PDHX: variants seen among roughly 807,000 people sequenced by gnomAD.
The protein encoded by PDHX is pyruvate dehydrogenase complex component X.
In PDHX, 33 loss-of-function variants were observed where a neutral mutation model predicts 55.3. The ratio of observed to expected loss-of-function variants is 0.60; its 90% CI spans 0.45 to 0.80. The LOEUF is 0.80. Among genes scored for constraint, PDHX ranks in the 30% least tolerant of loss-of-function variants. The probability of loss-of-function intolerance (pLI) is 0.00; values close to 1 mark genes in which losing one functional copy is unlikely to be tolerated. For synonymous variants in PDHX, 226 were observed against 219.4 expected (o/e 1.03, Z -0.27); for missense variants, 622 against 619.9 (o/e 1.00, Z -0.04).
In PDHX at chr11:34,957,643, G is replaced by A. The variant is rs1854936023; in HGVS notation, c.542+60G>A. The A allele has an allele frequency of 2.3e-6, 3 of 1,319,426 alleles. No homozygotes were observed. In the Admixed American group the frequency reaches 5.2e-5, roughly 23 times the overall value. The allele number at this position is 1,319,426 out of a possible 1,614,324, so 81.7% of individuals were successfully genotyped here. A position where few individuals can be genotyped will look rare whatever the true frequency, so the allele number is the denominator to read the frequency against. ...AAAAAAAGTTATGGCAGTTCTTATG[G>A]AATTGTAATCATTATCATATTCGCA... On this transcript the variant is annotated intron_variant, in intron 4 of 10. Transcript: ENST00000227868.
intron 4 of PDHX, among the ~76,000 whole-genome samples, chr11:34,959,233 C>T (rs1373075536): frequency 6.6e-6 from 1 of 151,884 alleles, no homozygotes; most frequent in Non-Finnish European, 1.5e-5. Flanking sequence ...CTCAGCAAAA[C>T]AACCCAATTA....
upstream of PDHX, chr11:34,916,297 G>A (rs775840738): frequency 2.5e-6 from 4 of 1,611,212 alleles, no homozygotes; most frequent in South Asian, 2.2e-5. Context: ...CCCAGACCAG[G>A]GACCCGCGCG....
In PDHX at chr11:34,989,282, T is replaced by G. The variant is rs146798755; in HGVS notation, c.1183-3033T>G. On this transcript the variant is annotated intron_variant, in intron 9 of 10. Transcript: ENST00000227868. ...TGTCCTTATGCGGCACATGACTGCA[T>G]GTATAGAGTTCAGTACTATCTGCCA... Among the ~76,000 whole-genome samples, 4 of 152,354 alleles carry G rather than the reference T, an allele frequency of 2.6e-5. No individual in the cohort carries two copies. In the East Asian group the frequency reaches 7.7e-4, roughly 29 times the overall value.
rs111269339 is a variant in PDHX, at chr11:34,931,209, T to C, written c.161-195T>C. ...GTTTAAAATATCCCAAAAAACACTT[T>C]TGTGGTTATAAAAAATTGAATTTTA... is the stretch of plus-strand genomic sequence containing the variant. On this transcript the variant is annotated intron_variant, in intron 1 of 10. Coordinates refer to ENST00000227868, the MANE Select transcript of PDHX (RefSeq NM_003477.3). Among the ~76,000 whole-genome samples the C allele has an allele frequency of 2.5e-3, 386 of 152,338 alleles. 2 individuals are homozygous for C. Among genetic ancestry groups the C allele is most frequent in the African/African-American group, 8.7e-3 (362 of 41,580 alleles).
At chr11:34,946,148 T>C (rs1854614160) in intron 2 of PDHX, among the ~76,000 whole-genome samples, 1 of 152,244 alleles carries the variant, frequency 6.6e-6, no homozygotes, top group African/African-American at 2.4e-5. Flanking sequence ...AGTTCATTAG[T>C]GCTACCTTTC....
At chr11:34,931,309 A>G in intron 1 of PDHX, 95 bp from the exon 2 acceptor site, 1 of 742,158 alleles carries the variant, frequency 1.3e-6, no homozygotes. Flanking sequence ...CTTCTTTTTC[A>G]AATTGAATTT....
chr11:34,928,683 A>G (rs1854084351), intron 1 of PDHX, among the ~76,000 whole-genome samples: 1 of 152,166 alleles, frequency 6.6e-6, no homozygotes, highest in Non-Finnish European at 1.5e-5. Flanking sequence ...GTTAAGCTTT[A>G]TGCACGTTTT....
chr11:34,983,237 A>G (rs1043882736), intron 8 of PDHX, among the ~76,000 whole-genome samples: 3 of 152,204 alleles, frequency 2.0e-5, no homozygotes, highest in Non-Finnish European at 4.4e-5. Flanking sequence ...TTCATGCTAA[A>G]AACTCTCAAT....
intron 2 of PDHX, among the ~76,000 whole-genome samples, chr11:34,947,078 G>A (rs532044331): frequency 2.0e-4 from 31 of 152,068 alleles, no homozygotes; most frequent in Admixed American, 3.9e-4. Context: ...TTTTGAACTT[G>A]CCCTAAGATG....
Position 34,995,268 on chromosome 11 carries a change from G to A in PDHX, c.*96G>A. On this transcript the variant is annotated 3_prime_UTR_variant, in exon 11 of 11. Transcript: ENST00000227868. The stretch of plus-strand genomic sequence containing the variant: ...GGAAAACAACTTGGTATTTAAGTAT[G>A]AAGTGGATGAAATGTTTATTTATTT... 2 of 1,288,670 alleles carry A rather than the reference G, an allele frequency of 1.6e-6. No homozygotes were observed. Among genetic ancestry groups the A allele is most frequent in the Middle Eastern group, 5.0e-4 (2 of 3,962 alleles). The allele number at this position is 1,288,670 out of a possible 1,614,324, so 79.8% of individuals were successfully genotyped here.
chr11:34,923,363 T>C (rs565654624), intron 1 of PDHX, among the ~76,000 whole-genome samples: 151 of 152,290 alleles, frequency 9.9e-4, no homozygotes, highest in African/African-American at 3.4e-3. Flanking sequence ...TGGGAATATA[T>C]TAGCCCTGGT....
At chr11:34,978,261 CTT>C in intron 8 of PDHX, 79 bp downstream of exon 8, 1 of 847,618 alleles carries the variant, frequency 1.2e-6, no homozygotes, top group Admixed American at 2.0e-5. Context: ...AAATAGAACT[CTT>C]ATTTTTAAAT....
chr11:34,931,540 T>G (rs1331124380), intron 2 of PDHX, 56 bp downstream of exon 2: 2 of 890,746 alleles, frequency 2.2e-6, no homozygotes, highest in Non-Finnish European at 3.5e-6. Context: ...TATTTTGTTT[T>G]GTTTTTTTTT....
intron 1 of PDHX, among the ~76,000 whole-genome samples, chr11:34,929,894 C>T (rs955628465): frequency 2.6e-5 from 4 of 152,192 alleles, no homozygotes; most frequent in African/African-American, 9.6e-5. Context: ...AGATAGAGAT[C>T]AAATGCTGAT....
intron 2 of PDHX, among the ~76,000 whole-genome samples, chr11:34,935,354 T>C (rs1201328922): frequency 6.6e-6 from 1 of 152,162 alleles, no homozygotes; most frequent in Non-Finnish European, 1.5e-5. Context: ...AGATTTTAAG[T>C]ACCTAATATG....
rs139613834 is a variant in PDHX, at chr11:34,916,684, A to C, written c.29A>C (p.Asp10Ala). 7 of 1,611,676 alleles carry C rather than the reference A, an allele frequency of 4.3e-6. No homozygotes were observed. In the African/African-American group the frequency reaches 9.3e-5, roughly 22 times the overall value. Residue 10 changes from aspartate to alanine, a missense_variant, in exon 1 of 11, where the codon GAT (aspartate) becomes GCT (alanine). Physicochemically the swap from Asp to Ala is moderately radical, Grantham distance 126 (BLOSUM62 -2). Coordinates refer to ENST00000227868, the MANE Select transcript of PDHX (RefSeq NM_003477.3). MAASWRLGCDPRLLRYLVGF... is the reference protein window; with the variant it reads MAASWRLGCAPRLLRYLVGF... ...GCGGCCTCCTGGAGGCTGGGCTGTG[A>C]TCCGCGGCTGCTGCGTTATCTTGTG...
At chr11:34,926,999 G>A (rs116904719) in intron 1 of PDHX, among the ~76,000 whole-genome samples, 3,606 of 148,264 alleles carry the variant, frequency 0.024, 69 homozygotes, top group Non-Finnish European at 0.038. Flanking sequence ...AATGTATTGT[G>A]TCATTCTGTT....
At chr11:34,977,569 AT>A (rs1345810211) in intron 7 of PDHX, among the ~76,000 whole-genome samples, 1 of 151,866 alleles carries the variant, frequency 6.6e-6, no homozygotes, top group Non-Finnish European at 1.5e-5. Flanking sequence ...AAGCAGTTAA[AT>A]TTTTTTTCAC....
chr11:34,939,361 G>A (rs520658), intron 2 of PDHX, among the ~76,000 whole-genome samples: 119,261 of 152,160 alleles, frequency 0.78, 46,883 homozygotes, highest in East Asian at 0.81. Flanking sequence ...ACTTCTAAGC[G>A]AAGACTAGAT....
Sources: allele counts gnomAD v4.1 joint callset (sites outside exome capture counted in the v4.1 genomes callset), GRCh38; gene constraint gnomAD v4.1.1; transcripts MANE v1.5; gene names NCBI Gene and HGNC (gene_info 2026-07-23, HGNC 2026-07-21).